The following UTP20 variants were observed in gnomAD, a reference collection of about 807,000 sequenced individuals.
The protein encoded by UTP20 is small subunit processome component 20 homolog.
In UTP20, 164 loss-of-function variants were observed where a neutral mutation model predicts 329.5. The ratio of observed to expected loss-of-function variants is 0.50; its 90% CI spans 0.44 to 0.57. The LOEUF is 0.57. Ranked by LOEUF, UTP20 falls within the 20% of genes least tolerant of loss-of-function variation. UTP20 has a pLI of 0.00. For synonymous variants in UTP20, 1,151 were observed against 1,159.3 expected (o/e 0.99, Z 0.14); for missense variants, 3,055 against 3,284.2 (o/e 0.93, Z 1.71).
rs1394220243 is a variant in UTP20, at chr12:101,386,211, C to T, written c.*88C>T. On this transcript the variant is annotated 3_prime_UTR_variant, in exon 62 of 62. Transcript: ENST00000261637. ...TAGGTTGTCTGGGGTAGGGGGGAGG[C>T]GTTTTTTTTTTTTTTTGAGACAAGG... 1.3e-4 allele frequency: 146 copies of T among 1,153,254 alleles called. 2 individuals are homozygous for T. In the South Asian group the frequency reaches 1.8e-3, roughly 15 times the overall value. The allele number at this position is 1,153,254 out of a possible 1,614,324, so 71.4% of individuals were successfully genotyped here.
rs1565797679 is a variant in UTP20 at position 101,338,263 on chromosome 12, C to T, written c.3854C>T (p.Ala1285Val). Reference protein sequence around the residue: ...LVTGCVYPGIAENIGESITIG... With the variant: ...LVTGCVYPGIVENIGESITIG... ...ACTGGATGTGTATACCCTGGCATAG[C>T]AGAAAACATCGGTGGTATGTATGCT... Residue 1285 changes from alanine (A) to valine (V), a missense_variant, in exon 30 of 62, where the codon GCA becomes GTA. Physicochemically the swap from Ala to Val is moderately conservative, Grantham distance 64. Transcript: ENST00000261637. 2 of 1,614,016 alleles carry T rather than the reference C, an allele frequency of 1.2e-6. No individual in the cohort carries two copies. The highest frequency in any genetic ancestry group is 1.7e-6 in the Non-Finnish European group (2 of 1,179,940).
chr12:101,366,241 T>C (rs1870092668), intron 46 of UTP20, among the ~76,000 whole-genome samples: 1 of 151,998 alleles, frequency 6.6e-6, no homozygotes, highest in Non-Finnish European at 1.5e-5. Flanking sequence ...AAAAACAAAA[T>C]CTTATATATT....
At chr12:101,291,095 T>C in intron 8 of UTP20, 1 of 441,316 alleles carries the variant, frequency 2.3e-6, no homozygotes, top group South Asian at 5.2e-5. Context: ...TAGAAGGCTC[T>C]GGAGCCAGAC....
Position 101,291,757 on chromosome 12 carries a change from C to T in UTP20, c.907C>T (p.Leu303=). The change falls in exon 9 of 62, where the codon CTA becomes TTA. Residue 303 remains leucine (L), a synonymous_variant. Transcript: ENST00000261637. ...TTGTTTGCAGGAATCGCTCTTGGAT[C>T]TACACACAAAAGTAACAAAAACTAA... ...FECLQESLLD[L]HTKVTKTNCC... 6.3e-7 allele frequency: 1 copy of T among 1,592,216 alleles called. No homozygotes were observed. Among genetic ancestry groups the T allele is most frequent in the East Asian group, 2.2e-5 (1 of 44,690 alleles).
At chr12:101,303,371 C>T (rs1414390233) in intron 15 of UTP20, among the ~76,000 whole-genome samples, 1 of 152,068 alleles carries the variant, frequency 6.6e-6, no homozygotes, top group Non-Finnish European at 1.5e-5. Context: ...AAAGCAGGGT[C>T]AGGAGATAGG....
intron 2 of UTP20, among the ~76,000 whole-genome samples, chr12:101,281,404 A>G (rs1159412001): frequency 1.3e-5 from 2 of 152,222 alleles, no homozygotes; most frequent in Admixed American, 1.3e-4. Flanking sequence ...TTGCTAACAT[A>G]TTGAATAAAT....
intron 16 of UTP20, 72 bp from the exon 17 acceptor site, chr12:101,306,627 T>C: frequency 7.2e-7 from 1 of 1,392,580 alleles, no homozygotes; most frequent in Admixed American, 2.1e-5. Flanking sequence ...AACTTAAATC[T>C]TGCTGACTGT....
At chr12:101,340,756 T>C in intron 32 of UTP20, 146 bp downstream of exon 32, 1 of 597,874 alleles carries the variant, frequency 1.7e-6, no homozygotes, top group South Asian at 2.1e-5. Context: ...TTAAAAAAAT[T>C]AGAAATAGAG....
At position 101,371,086 on chromosome 12, in the gene UTP20, C is replaced by T. The variant is rs180780749; in HGVS notation, c.6716C>T (p.Pro2239Leu). The T allele has an allele frequency of 1.2e-6, 2 of 1,613,902 alleles. No homozygotes were observed. Among genetic ancestry groups the T allele is most frequent in the Non-Finnish European group, 1.7e-6 (2 of 1,179,926 alleles). ...ATTTTATCAAGAAAGCTGTTGGTCC[C>T]AGAAATCGATGAGGTCATGCGGAAA... is the stretch of plus-strand genomic sequence containing the variant. ...KAILSRKLLV[P>L]EIDEVMRKVS... The change falls in exon 51 of 62, where the codon CCA becomes CTA. Residue 2239 changes from proline (P) to leucine (L), a missense_variant. By Grantham distance (98) the Pro-to-Leu change is moderately conservative. Transcript: ENST00000261637.
rs1249653730 is a variant in UTP20, at chr12:101,290,774, A to C, written c.777A>C (p.Glu259Asp). The C allele has an allele frequency of 6.2e-7, 1 of 1,613,686 alleles. No homozygotes were observed. The highest frequency in any genetic ancestry group is 8.5e-7 in the Non-Finnish European group (1 of 1,179,828). Reference protein sequence around the residue: ...LILRKLGPVTETETQLPWMLI... With the variant: ...LILRKLGPVTDTETQLPWMLI... ...TGCGAAAGCTAGGACCAGTCACTGA[A>C]ACAGAAACTCAACTACCATGGATGT... Residue 259 changes from glutamate (E) to aspartate (D), a missense_variant, in exon 8 of 62, where the codon GAA becomes GAC. Around this residue, in one of 3 missense-constraint regions of UTP20, gnomAD observed 2,445 missense variants for 2,575.5 expected, o/e 0.95. Transcript: ENST00000261637.
intron 58 of UTP20, 142 bp downstream of exon 58, chr12:101,381,353 C>T (rs893875032): frequency 6.0e-5 from 40 of 666,842 alleles, no homozygotes; most frequent in Admixed American, 1.3e-4. Flanking sequence ...GCCAACATGG[C>T]GAAACCCCAT....
At chr12:101,330,738 G>A (rs1868734854) in intron 27 of UTP20, among the ~76,000 whole-genome samples, 1 of 152,138 alleles carries the variant, frequency 6.6e-6, no homozygotes, top group African/African-American at 2.4e-5. Flanking sequence ...CACATTTTTG[G>A]TTAACTTAGG....
intron 15 of UTP20, among the ~76,000 whole-genome samples, chr12:101,303,333 G>A (rs557671492): frequency 1.3e-5 from 2 of 152,216 alleles, no homozygotes; most frequent in Non-Finnish European, 1.5e-5. Flanking sequence ...TAGCGTGTTA[G>A]GAGGTGCTAA....
In UTP20 at chr12:101,286,204, A is replaced by G. The variant is rs531967305; in HGVS notation, c.327-117A>G. On this transcript the variant is annotated intron_variant, in intron 4 of 61. Coordinates refer to ENST00000261637, the MANE Select transcript of UTP20 (RefSeq NM_014503.3). ...AGAATTTTATAATTTTTCAGACTTG[A>G]TTTAGAAGTATTTTTATTTAATTAA... The G allele has an allele frequency of 1.3e-5, 13 of 982,004 alleles. No individual in the cohort carries two copies. The African/African-American group carries it at 1.8e-4, about 14-fold the overall frequency. The allele number at this position is 982,004 out of a possible 1,614,324, so 60.8% of individuals were successfully genotyped here.
chr12:101,363,487 G>C, intron 44 of UTP20, 89 bp from the exon 45 acceptor site: 1 of 1,189,280 alleles, frequency 8.4e-7, no homozygotes, highest in Admixed American at 2.7e-5. Context: ...CTTTGATTTG[G>C]ACATACCAGG....
At position 101,362,012 on chromosome 12, in the gene UTP20, T is replaced by C. The variant is rs1869939593; in HGVS notation, c.5742T>C (p.Asn1914=). ...TVHMLLQGLT[N]KLQVGDLDSC... is the part of the protein sequence containing the mutation. The stretch of plus-strand genomic sequence containing the variant: ...ACATGCTGCTGCAAGGCCTCACCAA[T>C]AAGCTGCAGGTCGGAGATTTGGACT... The change falls in exon 44 of 62, where the codon AAT becomes AAC. Residue 1914 remains asparagine, a synonymous_variant. Coordinates refer to ENST00000261637, the MANE Select transcript of UTP20 (RefSeq NM_014503.3). The C allele has an allele frequency of 1.2e-6, 2 of 1,613,718 alleles. No individual in the cohort carries two copies.
chr12:101,385,731 A>C lies in UTP20; in HGVS notation c.8202+3A>C, dbSNP rs775076144. 1 of 1,608,836 alleles carries C rather than the reference A, an allele frequency of 6.2e-7. No individual in the cohort carries two copies. The highest frequency in any genetic ancestry group is 2.2e-5 in the East Asian group (1 of 44,838). On this transcript the variant is annotated splice_donor_region_variant and intron_variant, in intron 61 of 61. Coordinates refer to ENST00000261637, the MANE Select transcript of UTP20 (RefSeq NM_014503.3). The stretch of plus-strand genomic sequence containing the variant: ...GGAAAAAGAGGAAGGCCCTGGAGGT[A>C]AGTTTGCTCTTTGAAAATATGGCAT...
chr12:101,382,346 C>G (rs558552341), intron 58 of UTP20, among the ~76,000 whole-genome samples: 3 of 151,998 alleles, frequency 2.0e-5, no homozygotes, highest in Non-Finnish European at 4.4e-5. Context: ...TTCACTGAGC[C>G]GAGATCGCAC....
chr12:101,292,180 G>T, intron 10 of UTP20, 76 bp downstream of exon 10: 1 of 1,481,402 alleles, frequency 6.8e-7, no homozygotes. Context: ...AGGAATACAA[G>T]TGAAGTGTGA....
Sources: allele counts gnomAD v4.1 joint callset (sites outside exome capture counted in the v4.1 genomes callset), GRCh38; gene constraint gnomAD v4.1.1; regional missense constraint gnomAD v4.1.1; transcripts MANE v1.5; gene names NCBI Gene and HGNC (gene_info 2026-07-23, HGNC 2026-07-21).